VWA8: variants seen among roughly 807,000 people sequenced by gnomAD.
VWA8 encodes von Willebrand factor A domain-containing protein 8.
In VWA8, 221 loss-of-function variants were observed where a neutral mutation model predicts 241.5. That is an observed-to-expected ratio of 0.91 (90% confidence interval 0.82 to 1.02). The LOEUF (loss-of-function observed/expected upper bound fraction) is 1.02. Ranked by LOEUF, VWA8 falls within the 50% of genes least tolerant of loss-of-function variation. VWA8 has a pLI of 0.00. For missense variants in VWA8, 2,322 were observed against 2,328.7 expected (o/e 1.00, Z 0.06); for synonymous variants, 852 against 827.1 (o/e 1.03, Z -0.52).
chr13:41,656,008 A>G (rs1867652052), intron 37 of VWA8, among the ~76,000 whole-genome samples: 1 of 152,326 alleles, frequency 6.6e-6, no homozygotes, highest in African/African-American at 2.4e-5. Flanking sequence ...GCTACAAAAG[A>G]AGAAACATTG....
chr13:41,607,553 G>A (rs1419918895), intron 39 of VWA8, among the ~76,000 whole-genome samples: 3 of 152,042 alleles, frequency 2.0e-5, no homozygotes, highest in South Asian at 2.1e-4. Flanking sequence ...TACCTAAACC[G>A]GTGTGTGTTT....
At chr13:41,570,793 T>C in intron 43 of VWA8, 87 bp from the exon 44 acceptor site, 3 of 1,137,302 alleles carry the variant, frequency 2.6e-6, no homozygotes, top group South Asian at 2.9e-5. Flanking sequence ...ACCATGAGCA[T>C]GCATACATAC....
chr13:41,605,909 G>A (rs1398543796), intron 39 of VWA8, among the ~76,000 whole-genome samples: 1 of 152,096 alleles, frequency 6.6e-6, no homozygotes, highest in African/African-American at 2.4e-5. Context: ...TTCCCAGTAT[G>A]CTGCTCCTTT....
At chr13:41,853,638 C>G (rs538277271) in intron 12 of VWA8, among the ~76,000 whole-genome samples, 1 of 152,072 alleles carries the variant, frequency 6.6e-6, no homozygotes, top group African/African-American at 2.4e-5. Flanking sequence ...TTACCAATTT[C>G]TTTTAAGTTA....
chr13:41,662,721 G>A (rs1306268963), intron 37 of VWA8, among the ~76,000 whole-genome samples: 1 of 150,928 alleles, frequency 6.6e-6, no homozygotes, highest in Non-Finnish European at 1.5e-5. Context: ...TAAGTTTTAG[G>A]GTACATGTGC....
chr13:41,948,244 C>T (rs1423487396), intron 2 of VWA8, among the ~76,000 whole-genome samples: 2 of 151,926 alleles, frequency 1.3e-5, no homozygotes, highest in Non-Finnish European at 2.9e-5. Flanking sequence ...AAACATTATG[C>T]TAAGATAAGC....
intron 12 of VWA8, among the ~76,000 whole-genome samples, chr13:41,858,014 A>G (rs1872828372): frequency 6.6e-6 from 1 of 152,132 alleles, no homozygotes; most frequent in Admixed American, 6.5e-5. Context: ...TTCCTTACTC[A>G]GACTGGAACT....
intron 35 of VWA8, among the ~76,000 whole-genome samples, chr13:41,684,757 T>C (rs1322685045): frequency 1.3e-5 from 2 of 152,230 alleles, no homozygotes; most frequent in African/African-American, 2.4e-5. Context: ...CTATGCCTAA[T>C]ATACTAAGAC....
chr13:41,836,970 T>G (rs1252907733), intron 12 of VWA8, among the ~76,000 whole-genome samples: 1 of 152,032 alleles, frequency 6.6e-6, no homozygotes, highest in Non-Finnish European at 1.5e-5. Context: ...TCACCTAAAC[T>G]CTGTATACCA....
chr13:41,617,008 A>T (rs2044625064), intron 37 of VWA8, among the ~76,000 whole-genome samples: 1 of 152,222 alleles, frequency 6.6e-6, no homozygotes, highest in Admixed American at 6.5e-5. Context: ...TCACACCTGC[A>T]ATCCCAGCAC....
Position 41,711,539 on chromosome 13 carries a change from C to T in VWA8, c.3116+8052G>A, listed in dbSNP as rs117166224. Among the ~76,000 whole-genome samples, 264 of 152,164 alleles carry T rather than the reference C, an allele frequency of 1.7e-3. 6 individuals are homozygous for T. The East Asian group carries it at 0.044, about 26-fold the overall frequency. Reference sequence around the variant, plus strand: ...CTGTTAAAGTGATTATATTAATGATCGTAATTTTGAAGATCATAGTACTAA... The same window carrying T: ...CTGTTAAAGTGATTATATTAATGATTGTAATTTTGAAGATCATAGTACTAA... On this transcript the variant is annotated intron_variant, in intron 26 of 44. Transcript: ENST00000379310.
intron 4 of VWA8, among the ~76,000 whole-genome samples, chr13:41,901,341 G>A (rs944905657): frequency 6.6e-6 from 1 of 152,044 alleles, no homozygotes; most frequent in Non-Finnish European, 1.5e-5. Flanking sequence ...TAATTGGACA[G>A]AGCCTGGTTC....
intron 2 of VWA8, among the ~76,000 whole-genome samples, chr13:41,948,697 G>A (rs1877974994): frequency 6.6e-6 from 1 of 152,042 alleles, no homozygotes; most frequent in South Asian, 2.1e-4. Context: ...AGTTAAACAG[G>A]CATCTATAGT....
chr13:41,738,895 G>A (rs2045545672), intron 21 of VWA8, among the ~76,000 whole-genome samples: 1 of 152,114 alleles, frequency 6.6e-6, no homozygotes, highest in African/African-American at 2.4e-5. Context: ...CAGCATGTGT[G>A]GCTGATGAAC....
At chr13:41,631,384 T>A (rs758285912) in intron 37 of VWA8, among the ~76,000 whole-genome samples, 3 of 152,022 alleles carry the variant, frequency 2.0e-5, no homozygotes, top group African/African-American at 7.3e-5. Context: ...TAAATCCTGA[T>A]CCTGCTTCAC....
At position 41,570,688 on chromosome 13, in the gene VWA8, G is replaced by T; in HGVS notation, c.5389C>A (p.Gln1797Lys). The change falls in exon 44 of 45, where the codon CAG becomes AAG. Residue 1797 changes from glutamine (Q) to lysine (K), a missense_variant. By Grantham distance (53) the Gln-to-Lys change is moderately conservative. Transcript: ENST00000379310. ...GTGTGGTCCCCACTCATGCAGAACT[G>T]AGAGTGGGCATGCATTGTCTGGAGG... Reference protein sequence around the residue: ...EILKTMHAHSQFCMSGDHTLE... With the variant: ...EILKTMHAHSKFCMSGDHTLE... 1.2e-6 allele frequency: 2 copies of T among 1,613,980 alleles called. No homozygotes were observed.
chr13:41,865,716 G>A lies in VWA8; in HGVS notation c.1425+20C>T. 1 of 1,612,032 alleles carries A rather than the reference G, an allele frequency of 6.2e-7. No homozygotes were observed. Among genetic ancestry groups the A allele is most frequent in the Non-Finnish European group, 8.5e-7 (1 of 1,179,460 alleles). On this transcript the variant is annotated intron_variant, in intron 12 of 44. Coordinates refer to ENST00000379310, the MANE Select transcript of VWA8 (RefSeq NM_015058.2). The stretch of plus-strand genomic sequence containing the variant: ...CATATATGCTTATAGTCCAAGTGCA[G>A]CTAAAAATGAACACTGTACCTGATA...
intron 18 of VWA8, among the ~76,000 whole-genome samples, chr13:41,786,257 T>C (rs1869184150): frequency 6.6e-6 from 1 of 152,182 alleles, no homozygotes; most frequent in African/African-American, 2.4e-5. Flanking sequence ...AAATATTATA[T>C]GACAACTGTA....
At chr13:41,921,356 C>G (rs1876525599) in intron 2 of VWA8, among the ~76,000 whole-genome samples, 1 of 152,192 alleles carries the variant, frequency 6.6e-6, no homozygotes. Flanking sequence ...AAACTGGAAG[C>G]ATTCCCTTTG....
Sources: gnomAD v4.1 joint callset for allele counts (sites outside exome capture counted in the v4.1 genomes callset) on GRCh38, gnomAD v4.1.1 for gene constraint, MANE v1.5 for transcripts, NCBI Gene and HGNC (gene_info 2026-07-23, HGNC 2026-07-21) for gene names.